The following SYT14 variants were observed in gnomAD, a reference collection of about 807,000 sequenced individuals.
SYT14 encodes synaptotagmin-14.
Under a neutral mutation model 74.2 loss-of-function variants are expected in SYT14, and 32 were observed. The ratio of observed to expected loss-of-function variants is 0.43; its 90% CI spans 0.33 to 0.58. The LOEUF (loss-of-function observed/expected upper bound fraction) is 0.58. SYT14 is among the 20% of genes least tolerant of loss of function. SYT14 has a pLI of 0.05. For synonymous variants in SYT14, 298 were observed against 337.7 expected, an observed-to-expected ratio of 0.88 and a Z score of 1.29; for missense variants, 791 against 981.8, an observed-to-expected ratio of 0.81 and a Z score of 2.60.
chr1:210,024,700 A>C (rs557492340), intron 5 of SYT14, among the ~76,000 whole-genome samples: 3 of 152,334 alleles, frequency 2.0e-5, no homozygotes, highest in African/African-American at 7.2e-5. Context: ...TATGGGCATG[A>C]ATTAAATTGA....
At chr1:210,008,629 C>T (rs1056980615) in intron 2 of SYT14, among the ~76,000 whole-genome samples, 1 of 152,150 alleles carries the variant, frequency 6.6e-6, no homozygotes, top group South Asian at 2.1e-4. Flanking sequence ...TCCCAAAGTG[C>T]CGGGATTACA....
At chr1:209,992,157 T>G (rs1220900127) in intron 2 of SYT14, among the ~76,000 whole-genome samples, 2 of 152,128 alleles carry the variant, frequency 1.3e-5, no homozygotes. Flanking sequence ...TGTTGTTGTT[T>G]TTGCTTGAGA....
chr1:210,164,263 A>G (rs1237576827), exon 10 of SYT14: 2 of 250,460 alleles, frequency 8.0e-6, no homozygotes, highest in Admixed American at 9.8e-5. Context: ...TTTGCTGACA[A>G]GAATAATAAA....
intron 1 of SYT14, among the ~76,000 whole-genome samples, chr1:209,947,545 T>A (rs903033113): frequency 6.6e-6 from 1 of 152,262 alleles, no homozygotes; most frequent in African/African-American, 2.4e-5. Context: ...ACTACATTGC[T>A]GAAATCTCAT....
chr1:209,943,066 T>A (rs187635619), intron 1 of SYT14, among the ~76,000 whole-genome samples: 21 of 152,300 alleles, frequency 1.4e-4, no homozygotes, highest in Admixed American at 1.3e-3. Context: ...TAAGGCAAAA[T>A]TTAGACTTTC....
At chr1:210,098,945 C>T (rs1319572754) in intron 6 of SYT14, among the ~76,000 whole-genome samples, 1 of 152,150 alleles carries the variant, frequency 6.6e-6, no homozygotes, top group Non-Finnish European at 1.5e-5. Flanking sequence ...CTGCCTGCCT[C>T]AGCTCCCCAA....
intron 2 of SYT14, among the ~76,000 whole-genome samples, chr1:209,981,794 T>G (rs1464177038): frequency 2.0e-5 from 3 of 152,132 alleles, no homozygotes. Context: ...AAATAGGCCC[T>G]TATTCTCTCC....
chr1:210,075,537 G>A (rs2102460462), intron 5 of SYT14, among the ~76,000 whole-genome samples: 1 of 152,098 alleles, frequency 6.6e-6, no homozygotes, highest in East Asian at 1.9e-4. Context: ...GTTTCACCAT[G>A]TTGGCCAGGA....
intron 1 of SYT14, among the ~76,000 whole-genome samples, chr1:209,940,468 G>A (rs746413711): frequency 6.6e-6 from 1 of 151,562 alleles, no homozygotes; most frequent in East Asian, 1.9e-4. Context: ...AAGAGTTCAT[G>A]TTCTATTCGG....
chr1:210,029,763 G>T (rs1264470902), intron 5 of SYT14, among the ~76,000 whole-genome samples: 1 of 152,094 alleles, frequency 6.6e-6, no homozygotes, highest in Admixed American at 6.6e-5. Context: ...ATTTTAGGAG[G>T]TTTTTCTATT....
intron 2 of SYT14, among the ~76,000 whole-genome samples, chr1:209,968,848 T>A (rs528285499): frequency 2.6e-5 from 4 of 152,118 alleles, no homozygotes; most frequent in African/African-American, 9.6e-5. Context: ...ACCACCCAGG[T>A]AGTGAACATA....
At chr1:210,115,329 A>G (rs964762665) in intron 7 of SYT14, among the ~76,000 whole-genome samples, 5 of 151,054 alleles carry the variant, frequency 3.3e-5, no homozygotes, top group Non-Finnish European at 7.4e-5. Context: ...CAGAGAAAAG[A>G]GAGGGTAGAG....
chr1:210,078,309 CAAAAAAAAAAAAAAAA>C (rs59924487), intron 5 of SYT14, among the ~76,000 whole-genome samples: 5 of 72,060 alleles, frequency 6.9e-5, no homozygotes, highest in African/African-American at 1.1e-4. Context: ...GACTCCGTCT[CAAAAAAAAAAAAAAAA>C]AAAAAAAAAA....
Position 210,107,038 on chromosome 1 carries a change from G to A in SYT14, c.2034+6577G>A, listed in dbSNP as rs533468639. Among the ~76,000 whole-genome samples the A allele has an allele frequency of 1.1e-3, 171 of 152,272 alleles. 1 individual carries two copies. The highest frequency in any genetic ancestry group is 3.9e-3 in the African/African-American group (161 of 41,552). On this transcript the variant is annotated intron_variant, in intron 7 of 9. Coordinates refer to ENST00000637265, the Ensembl canonical transcript of SYT14. ...GGGAGAAATTGGCCAAAACAAAGGG[G>A]CTACGGGCCCCATGCCAAGTCCAAA...
intron 2 of SYT14, among the ~76,000 whole-genome samples, chr1:209,955,641 A>G (rs577063435): frequency 6.6e-6 from 1 of 152,258 alleles, no homozygotes; most frequent in East Asian, 1.9e-4. Context: ...AATCAGGCCA[A>G]CCACTTTGCT....
intron 7 of SYT14, among the ~76,000 whole-genome samples, chr1:210,110,105 C>T (rs542278385): frequency 1.6e-4 from 24 of 152,050 alleles, no homozygotes; most frequent in African/African-American, 4.6e-4. Flanking sequence ...CATCACACAC[C>T]GAGGCCTGTC....
chr1:210,124,953 A>G (rs1464952423), intron 7 of SYT14, among the ~76,000 whole-genome samples: 1 of 152,146 alleles, frequency 6.6e-6, no homozygotes, highest in African/African-American at 2.4e-5. Context: ...CAACAATTAA[A>G]CACATTTGTG....
At chr1:210,165,030 T>C (rs2083441122) in exon 10 of SYT14, 1 of 152,194 alleles carries the variant, frequency 6.6e-6, no homozygotes. Flanking sequence ...AATAATTTAT[T>C]ACTTGCTTGA....
chr1:210,064,251 GTTAT>G (rs1213110837), intron 5 of SYT14, among the ~76,000 whole-genome samples: 5 of 151,816 alleles, frequency 3.3e-5, no homozygotes, highest in Non-Finnish European at 7.4e-5. Flanking sequence ...TTAAAAATCT[GTTAT>G]TTATTTCTTT....
Sources: allele counts gnomAD v4.1 joint callset (sites outside exome capture counted in the v4.1 genomes callset), GRCh38; gene constraint gnomAD v4.1.1; transcripts MANE v1.5; gene names NCBI Gene and HGNC (gene_info 2026-07-23, HGNC 2026-07-21).